The following TSHZ2 variants were observed in gnomAD, a reference collection of about 807,000 sequenced individuals.
TSHZ2 encodes the protein teashirt homolog 2.
In TSHZ2, 21 loss-of-function variants were observed where a neutral mutation model predicts 74.4. That is an observed-to-expected ratio of 0.28 (90% CI 0.20 to 0.41). The LOEUF is 0.41. TSHZ2 is among the 10% of genes least tolerant of loss of function. TSHZ2 has a pLI of 1.00. For synonymous variants in TSHZ2, 540 were observed against 515.3 expected (o/e 1.05, Z -0.65); for missense variants, 1,244 against 1,293.5 (o/e 0.96, Z 0.59).
intron 2 of TSHZ2, among the ~76,000 whole-genome samples, chr20:53,423,134 T>C (rs75764083): frequency 0.047 from 7,125 of 152,214 alleles, 340 homozygotes; most frequent in African/African-American, 0.12. Context: ...CGCCGTGGCT[T>C]ATGGCTGTAA....
At chr20:53,098,257 GATA>G (rs1293997640) in intron 1 of TSHZ2, among the ~76,000 whole-genome samples, 2 of 152,174 alleles carry the variant, frequency 1.3e-5, no homozygotes, top group African/African-American at 4.8e-5. Flanking sequence ...CAGCCTCAGC[GATA>G]ATAATGCATA....
At chr20:52,994,445 A>ATGGATGGATGG (rs1555812745) in intron 1 of TSHZ2, among the ~76,000 whole-genome samples, 2 of 151,596 alleles carry the variant, frequency 1.3e-5, no homozygotes, top group African/African-American at 2.4e-5. Flanking sequence ...TGAGTGAATG[A>ATGGATGGATGG]ATGGACGGAT....
chr20:53,070,179 AAAT>A (rs1453315788), intron 1 of TSHZ2, among the ~76,000 whole-genome samples: 1 of 152,216 alleles, frequency 6.6e-6, no homozygotes, highest in Non-Finnish European at 1.5e-5. Flanking sequence ...TTTCCAATAA[AAAT>A]ACTGTTATAT....
In TSHZ2 at chr20:53,488,529, C is replaced by T. The variant is rs1986355843; in HGVS notation, c.*1394C>T. On this transcript the variant is annotated 3_prime_UTR_variant, in exon 3 of 3. Coordinates refer to ENST00000371497, the MANE Select transcript of TSHZ2 (RefSeq NM_173485.6). ...TGAAAGCAACCTATAATAGATAAATCCATCATTGCATTTAAACAATGAATT... is the reference window on the plus strand; with the variant it reads ...TGAAAGCAACCTATAATAGATAAATTCATCATTGCATTTAAACAATGAATT... The T allele has an allele frequency of 6.0e-6, 1 of 166,658 alleles. No individual in the cohort carries two copies. 10.3% of individuals were successfully genotyped at this position (166,658 alleles called of 1,614,324 possible).
intron 1 of TSHZ2, among the ~76,000 whole-genome samples, chr20:53,169,913 A>C (rs2123482284): frequency 6.6e-6 from 1 of 152,366 alleles, no homozygotes; most frequent in East Asian, 1.9e-4. Flanking sequence ...ATACATTCAT[A>C]AGTAAATATA....
At chr20:53,393,614 T>C (rs957136809) in intron 2 of TSHZ2, among the ~76,000 whole-genome samples, 2 of 151,948 alleles carry the variant, frequency 1.3e-5, no homozygotes, top group African/African-American at 4.8e-5. Context: ...GTTTCGGTGG[T>C]GATTACATAA....
At chr20:53,361,397 G>A (rs374765750) in intron 2 of TSHZ2, among the ~76,000 whole-genome samples, 16 of 152,372 alleles carry the variant, frequency 1.1e-4, no homozygotes, top group African/African-American at 3.8e-4. Context: ...ACAACACTGT[G>A]TGTCATAAGC....
intron 1 of TSHZ2, among the ~76,000 whole-genome samples, chr20:53,125,509 CTAT>C (rs1238991448): frequency 6.6e-6 from 1 of 152,192 alleles, no homozygotes; most frequent in Admixed American, 6.5e-5. Flanking sequence ...CGCTGTATTA[CTAT>C]TATTGAATAA....
chr20:53,061,834 C>T (rs1984833169), intron 1 of TSHZ2, among the ~76,000 whole-genome samples: 1 of 152,174 alleles, frequency 6.6e-6, no homozygotes, highest in Non-Finnish European at 1.5e-5. Flanking sequence ...GAATGTGCTT[C>T]ACCCAACCAC....
intron 2 of TSHZ2, among the ~76,000 whole-genome samples, chr20:53,376,809 G>A (rs1338502319): frequency 6.6e-6 from 1 of 152,150 alleles, no homozygotes; most frequent in Non-Finnish European, 1.5e-5. Context: ...TCCTTACATG[G>A]GCCAACTCTC....
chr20:53,453,548 T>C (rs1043701503), intron 2 of TSHZ2, among the ~76,000 whole-genome samples: 4 of 152,298 alleles, frequency 2.6e-5, no homozygotes, highest in African/African-American at 9.6e-5. Context: ...TGTGATTGTG[T>C]GTGGAGTGGA....
chr20:53,246,484 G>A (rs1257845559), intron 1 of TSHZ2, among the ~76,000 whole-genome samples: 1 of 152,010 alleles, frequency 6.6e-6, no homozygotes, highest in South Asian at 2.1e-4. Context: ...GGCCCGCTTC[G>A]CCCATTTTCA....
chr20:53,157,504 T>A (rs1987825545), intron 1 of TSHZ2, among the ~76,000 whole-genome samples: 1 of 151,274 alleles, frequency 6.6e-6, no homozygotes, highest in Non-Finnish European at 1.5e-5. Flanking sequence ...ACTCCTGGGC[T>A]CAAGCAATCC....
At chr20:53,266,292 A>G (rs535502259) in intron 2 of TSHZ2, among the ~76,000 whole-genome samples, 22 of 152,282 alleles carry the variant, frequency 1.4e-4, no homozygotes, top group African/African-American at 4.1e-4. Context: ...AAAGAGAATA[A>G]CAGAAAAGGA....
At chr20:53,039,967 G>A (rs868129829) in intron 1 of TSHZ2, among the ~76,000 whole-genome samples, 16 of 152,000 alleles carry the variant, frequency 1.1e-4, no homozygotes, top group African/African-American at 3.6e-4. Context: ...TTAGCCAGGC[G>A]TGGAGGTGCA....
intron 1 of TSHZ2, among the ~76,000 whole-genome samples, chr20:53,109,695 T>C (rs903988163): frequency 6.6e-6 from 1 of 152,238 alleles, no homozygotes; most frequent in African/African-American, 2.4e-5. Context: ...TGGTTGTGGA[T>C]GTAGTTGCGG....
intron 2 of TSHZ2, among the ~76,000 whole-genome samples, chr20:53,453,914 T>G (rs1467399949): frequency 6.6e-6 from 1 of 151,988 alleles, no homozygotes; most frequent in Non-Finnish European, 1.5e-5. Flanking sequence ...CCTCTTCTTC[T>G]AGAATGGTGG....
intron 2 of TSHZ2, among the ~76,000 whole-genome samples, chr20:53,299,738 G>A (rs952855911): frequency 4.6e-5 from 7 of 152,146 alleles, no homozygotes; most frequent in African/African-American, 1.7e-4. Flanking sequence ...CTACTTGCTG[G>A]TGAACACCTA....
At chr20:53,473,654 G>A (rs1357578050) in intron 2 of TSHZ2, among the ~76,000 whole-genome samples, 1 of 150,724 alleles carries the variant, frequency 6.6e-6, no homozygotes, top group Non-Finnish European at 1.5e-5. Flanking sequence ...AAAGCTGGAT[G>A]GAGAATGACT....
Sources: allele counts gnomAD v4.1 joint callset (sites outside exome capture counted in the v4.1 genomes callset), GRCh38; gene constraint gnomAD v4.1.1; transcripts MANE v1.5; gene names NCBI Gene and HGNC (gene_info 2026-07-23, HGNC 2026-07-21).